Variants in NRXN1 observed in about 807,000 individuals in gnomAD.
The protein encoded by NRXN1 is neurexin-1.
A neutral mutation model predicts 150.9 loss-of-function variants in NRXN1; 39 were observed. The ratio of observed to expected loss-of-function variants is 0.26; its 90% CI spans 0.20 to 0.34. The LOEUF is 0.34. NRXN1 is among the 10% of genes least tolerant of loss of function. NRXN1 has a pLI of 1.00. For synonymous variants in NRXN1, 924 were observed against 757.0 expected, an observed-to-expected ratio of 1.22 and a Z score of -3.62; for missense variants, 1,815 against 1,949.9, an observed-to-expected ratio of 0.93 and a Z score of 1.30.
At chr2:50,589,500 G>C (rs1277974097) in intron 8 of NRXN1, 3 of 136,766 alleles carry the variant, frequency 2.2e-5, no homozygotes, top group Non-Finnish European at 4.8e-5. Flanking sequence ...AGGACCACAG[G>C]TGTGAACCAC....
intron 18 of NRXN1, among the ~76,000 whole-genome samples, chr2:50,220,474 A>G (rs1360198864): frequency 2.6e-5 from 4 of 152,000 alleles, no homozygotes; most frequent in African/African-American, 9.7e-5. Flanking sequence ...TTGATATTGC[A>G]TTAGAACATT....
intron 15 of NRXN1, among the ~76,000 whole-genome samples, chr2:50,493,673 A>G (rs2091393757): frequency 6.6e-6 from 1 of 152,180 alleles, no homozygotes; most frequent in East Asian, 1.9e-4. Flanking sequence ...ACATGATAAG[A>G]GGCACCGTGG....
At chr2:50,268,436 A>G (rs1005567110) in intron 17 of NRXN1, among the ~76,000 whole-genome samples, 16 of 152,186 alleles carry the variant, frequency 1.1e-4, no homozygotes, top group African/African-American at 3.6e-4. Flanking sequence ...GAATTAACCA[A>G]TAGGGAGGAT....
Position 50,893,798 on chromosome 2 carries a change from T to A in NRXN1, c.832+28071A>T, listed in dbSNP as rs1574850578. Among the ~76,000 whole-genome samples the A allele has an allele frequency of 2.9e-5, 4 of 140,254 alleles. No individual in the cohort carries two copies. The Admixed American group carries it at 2.9e-4, about 10-fold the overall frequency. 92.0% of individuals were successfully genotyped at this position (140,254 alleles called of 152,430 possible). ...ATCCTTCAGGATTTTTTCAACAATTTATTAAAAACTTGACTCATTGTTCAA... is the reference window on the plus strand; with the variant it reads ...ATCCTTCAGGATTTTTTCAACAATTAATTAAAAACTTGACTCATTGTTCAA... On this transcript the variant is annotated intron_variant, in intron 5 of 22. Transcript: ENST00000401669.
intron 17 of NRXN1, among the ~76,000 whole-genome samples, chr2:50,425,913 A>G (rs2084441642): frequency 6.6e-6 from 1 of 152,158 alleles, no homozygotes; most frequent in Admixed American, 6.5e-5. Context: ...CAGAAAATAC[A>G]GGCTACTAAA....
At chr2:51,003,003 AC>A (rs1700262734) in intron 2 of NRXN1, among the ~76,000 whole-genome samples, 1 of 151,952 alleles carries the variant, frequency 6.6e-6, no homozygotes, top group Non-Finnish European at 1.5e-5. Context: ...GCATTTATGG[AC>A]AGACTCTTCC....
At chr2:49,973,217 A>G (rs891533931) in intron 21 of NRXN1, among the ~76,000 whole-genome samples, 1 of 152,210 alleles carries the variant, frequency 6.6e-6, no homozygotes, top group Non-Finnish European at 1.5e-5. Flanking sequence ...GCATTTTAGA[A>G]AATTAAAATC....
At chr2:50,802,503 AAGGAAGGAAGGAAGG>A (rs1559284178) in intron 5 of NRXN1, among the ~76,000 whole-genome samples, 1,945 of 77,954 alleles carry the variant, frequency 0.025, 135 homozygotes, top group African/African-American at 0.052. Context: ...AGAGAAATGG[AAGGAAGGAAGGAAGG>A]AAGGAAGGAA....
At chr2:49,967,622 ATCTTT>A (rs1415976275) in intron 21 of NRXN1, among the ~76,000 whole-genome samples, 2 of 152,126 alleles carry the variant, frequency 1.3e-5, no homozygotes, top group African/African-American at 4.8e-5. Flanking sequence ...AAACCTTCAT[ATCTTT>A]TCTTAAAGTA....
chr2:50,808,827 AT>A (rs1018851487), intron 5 of NRXN1, among the ~76,000 whole-genome samples: 17 of 152,160 alleles, frequency 1.1e-4, no homozygotes, highest in Non-Finnish European at 2.4e-4. Flanking sequence ...CAACACATTA[AT>A]TAAAGATCTT....
At chr2:49,936,792 T>A (rs1300774534) in intron 22 of NRXN1, among the ~76,000 whole-genome samples, 1 of 150,360 alleles carries the variant, frequency 6.7e-6, no homozygotes, top group Non-Finnish European at 1.5e-5. Flanking sequence ...TGCTATATTC[T>A]AAAAAACAAA....
intron 17 of NRXN1, among the ~76,000 whole-genome samples, chr2:50,304,760 A>G (rs2074459947): frequency 6.6e-6 from 1 of 152,144 alleles, no homozygotes; most frequent in Non-Finnish European, 1.5e-5. Flanking sequence ...ACAGTGTTCA[A>G]TGCATGCTAA....
intron 5 of NRXN1, among the ~76,000 whole-genome samples, chr2:50,829,221 A>C (rs1197421347): frequency 6.6e-6 from 1 of 151,736 alleles, no homozygotes; most frequent in Admixed American, 6.6e-5. Flanking sequence ...AGACCGTGGA[A>C]AGAGAGGGAG....
chr2:50,773,530 T>C (rs1171583366), intron 5 of NRXN1, among the ~76,000 whole-genome samples: 1 of 152,100 alleles, frequency 6.6e-6, no homozygotes, highest in Non-Finnish European at 1.5e-5. Flanking sequence ...GAATGTTTCA[T>C]AGGAGGGAAT....
intron 18 of NRXN1, among the ~76,000 whole-genome samples, chr2:50,196,201 T>C (rs190247117): frequency 6.6e-6 from 1 of 152,216 alleles, no homozygotes; most frequent in Non-Finnish European, 1.5e-5. Context: ...CAGCTCCCAC[T>C]TATAAGTGCA....
rs564928752 is a variant in NRXN1, at chr2:50,691,326, A to C, written c.833-67711T>G. On this transcript the variant is annotated intron_variant, in intron 5 of 22. Transcript: ENST00000401669. ...GTACTTGAAAAACCGTTAAGTGGAAATGTATGATCTCAGAATAGTGTTTTT... is the reference window on the plus strand; with the variant it reads ...GTACTTGAAAAACCGTTAAGTGGAACTGTATGATCTCAGAATAGTGTTTTT... Among the ~76,000 whole-genome samples, 256 of 152,316 alleles carry C rather than the reference A, an allele frequency of 1.7e-3. 1 individual carries two copies. Among genetic ancestry groups the C allele is most frequent in the African/African-American group, 5.9e-3 (246 of 41,576 alleles).
At chr2:50,986,528 G>A (rs1318551146) in intron 2 of NRXN1, among the ~76,000 whole-genome samples, 1 of 151,568 alleles carries the variant, frequency 6.6e-6, no homozygotes, top group South Asian at 2.1e-4. Context: ...TATTTCATGT[G>A]TTGTTACATT....
chr2:50,826,257 AG>A (rs2105855004), intron 5 of NRXN1, among the ~76,000 whole-genome samples: 1 of 152,306 alleles, frequency 6.6e-6, no homozygotes, highest in African/African-American at 2.4e-5. Flanking sequence ...AGAACAAGCT[AG>A]TCATGTAATC....
At chr2:50,846,265 A>C (rs1673638741) in intron 5 of NRXN1, among the ~76,000 whole-genome samples, 2 of 152,138 alleles carry the variant, frequency 1.3e-5, no homozygotes. Context: ...ATTCTCAGCA[A>C]CTAAAGCCAC....
Sources: allele counts gnomAD v4.1 joint callset (sites outside exome capture counted in the v4.1 genomes callset), GRCh38; gene constraint gnomAD v4.1.1; transcripts MANE v1.5; gene names NCBI Gene and HGNC (gene_info 2026-07-23, HGNC 2026-07-21).